GARNL3: variants seen among roughly 807,000 people sequenced by gnomAD.
The protein encoded by GARNL3 is GTPase activating Rap/RanGAP domain like 3.
Under a neutral mutation model 125.0 loss-of-function variants are expected in GARNL3, and 63 were observed. The ratio of observed to expected loss-of-function variants is 0.50; its 90% CI spans 0.41 to 0.62. The LOEUF (loss-of-function observed/expected upper bound fraction) is 0.62, where lower values mean the gene tolerates loss of function less well. Ranked by LOEUF, GARNL3 falls within the 20% of genes least tolerant of loss-of-function variation. The pLI is 0.00. For missense variants in GARNL3, 994 were observed against 1,244.0 expected, an observed-to-expected ratio of 0.80 and a Z score of 3.02; for synonymous variants, 439 against 457.5, an observed-to-expected ratio of 0.96 and a Z score of 0.52.
At chr9:127,289,037 CA>C (rs1473284729) in intron 1 of GARNL3, among the ~76,000 whole-genome samples, 1 of 152,194 alleles carries the variant, frequency 6.6e-6, no homozygotes, top group Non-Finnish European at 1.5e-5. Context: ...CAGCCTATAC[CA>C]GTAACACTCT....
chr9:127,273,726 A>G (rs940393656), intron 1 of GARNL3, among the ~76,000 whole-genome samples: 1 of 152,220 alleles, frequency 6.6e-6, no homozygotes, highest in African/African-American at 2.4e-5. Flanking sequence ...CGTCATATAC[A>G]GAGTCTCATT....
At chr9:127,238,891 T>C (rs2063156947) in intron 1 of GARNL3, among the ~76,000 whole-genome samples, 1 of 152,196 alleles carries the variant, frequency 6.6e-6, no homozygotes, top group South Asian at 2.1e-4. Context: ...CCACTAATAA[T>C]GTGGGTGGAA....
intron 2 of GARNL3, among the ~76,000 whole-genome samples, chr9:127,256,880 G>A (rs934154807): frequency 6.6e-6 from 1 of 152,164 alleles, no homozygotes; most frequent in African/African-American, 2.4e-5. Flanking sequence ...TTTATTACAT[G>A]TGTAGGTTCC....
At chr9:127,343,889 G>A (rs1162885941) in intron 14 of GARNL3, among the ~76,000 whole-genome samples, 1 of 152,204 alleles carries the variant, frequency 6.6e-6, no homozygotes, top group Admixed American at 6.5e-5. Context: ...TCAGTTTGTT[G>A]TGTTCCAGGG....
intron 1 of GARNL3, among the ~76,000 whole-genome samples, chr9:127,233,258 A>G (rs570028053): frequency 1.3e-5 from 2 of 152,266 alleles, no homozygotes; most frequent in African/African-American, 4.8e-5. Flanking sequence ...TATGTCCCTG[A>G]GTTGACATTC....
chr9:127,298,379 A>T (rs2064673234), intron 2 of GARNL3, among the ~76,000 whole-genome samples: 1 of 151,840 alleles, frequency 6.6e-6, no homozygotes, highest in Non-Finnish European at 1.5e-5. Flanking sequence ...GGGTTTCACC[A>T]TGTTGGCCAA....
intron 22 of GARNL3, among the ~76,000 whole-genome samples, chr9:127,367,718 G>T (rs1371194747): frequency 1.2e-4 from 19 of 152,168 alleles, no homozygotes; most frequent in Admixed American, 1.2e-3. Context: ...TCTTGTGTTT[G>T]CTGATGATGC....
chr9:127,302,345 C>T (rs1239385630), intron 2 of GARNL3, among the ~76,000 whole-genome samples: 1 of 152,032 alleles, frequency 6.6e-6, no homozygotes, highest in African/African-American at 2.4e-5. Flanking sequence ...GCAAGACCTT[C>T]TATTGCTAGG....
chr9:127,248,013 T>G (rs541952035), intron 2 of GARNL3, among the ~76,000 whole-genome samples: 3 of 152,336 alleles, frequency 2.0e-5, no homozygotes, highest in Admixed American at 6.5e-5. Flanking sequence ...GTTCCACAAA[T>G]AAGTGAAAAC....
chr9:127,262,320 G>A (rs77135223), upstream of GARNL3, among the ~76,000 whole-genome samples: 4,174 of 152,302 alleles, frequency 0.027, 191 homozygotes, highest in African/African-American at 0.096. Context: ...CCATACAGAT[G>A]TTCTTCATGG....
intron 15 of GARNL3, 152 bp downstream of exon 15, chr9:127,344,491 T>C (rs1298829186): frequency 3.1e-6 from 2 of 637,896 alleles, no homozygotes; most frequent in African/African-American, 3.7e-5. Flanking sequence ...AGTGAGATTT[T>C]TGAGAACCGA....
chr9:127,323,902 C>T (rs2065482800), intron 6 of GARNL3, among the ~76,000 whole-genome samples: 1 of 152,150 alleles, frequency 6.6e-6, no homozygotes, highest in African/African-American at 2.4e-5. Context: ...GACATGCAAA[C>T]ATAATGTCCC....
intron 1 of GARNL3, among the ~76,000 whole-genome samples, chr9:127,229,351 G>C (rs575370283): frequency 3.3e-5 from 5 of 152,150 alleles, no homozygotes; most frequent in African/African-American, 1.2e-4. Context: ...GTTCAGGGTG[G>C]CACTGGGCCT....
At position 127,369,618 on chromosome 9, in the gene GARNL3, G is replaced by A. The variant is rs538576217; in HGVS notation, c.2161+4252G>A. On this transcript the variant is annotated intron_variant, in intron 22 of 27. Transcript: ENST00000373387. The stretch of plus-strand genomic sequence containing the variant: ...AGGGACCCTTGGACCCAGCGAGGTG[G>A]AGGTCATTTGGAAGACAAGAGCGGG... Among the ~76,000 whole-genome samples the A allele has an allele frequency of 9.8e-5, 15 of 152,342 alleles. No individual in the cohort carries two copies. In the East Asian group the frequency reaches 2.9e-3, roughly 29 times the overall value.
chr9:127,280,199 C>T lies in GARNL3; in HGVS notation c.145-10969C>T, dbSNP rs1218645760. ...GAAGAGGTTAAATCTCCCCCAGCCC[C>T]TTGGCATGTTGGGGAAACTAAACTC... On this transcript the variant is annotated intron_variant, in intron 1 of 27. Transcript: ENST00000373387. The surrounding 1 kb of genome is among the most constrained non-coding windows in gnomAD (Gnocchi z 4.5). Among the ~76,000 whole-genome samples the T allele has an allele frequency of 3.3e-5, 5 of 152,314 alleles. No homozygotes were observed. The highest frequency in any genetic ancestry group is 9.6e-5 in the African/African-American group (4 of 41,566).
At chr9:127,342,175 C>T (rs1564158527) in intron 13 of GARNL3, 44 bp from the exon 14 acceptor site, 2 of 1,109,362 alleles carry the variant, frequency 1.8e-6, no homozygotes, top group Admixed American at 3.4e-5. Flanking sequence ...GTGTGTGTGT[C>T]AAGAGATATC....
At chr9:127,369,956 G>T (rs568510714) in intron 22 of GARNL3, among the ~76,000 whole-genome samples, 2 of 152,276 alleles carry the variant, frequency 1.3e-5, no homozygotes, top group South Asian at 2.1e-4. Flanking sequence ...GGAAGGATTG[G>T]CCACACCTGA....
chr9:127,288,390 T>C (rs1050051727), intron 1 of GARNL3, among the ~76,000 whole-genome samples: 1 of 152,180 alleles, frequency 6.6e-6, no homozygotes, highest in Non-Finnish European at 1.5e-5. Context: ...GGTGGGATTG[T>C]GGCACAGTCA....
rs117337673 is a variant in GARNL3 at position 127,390,923 on chromosome 9, C to T, written c.2870+156C>T. Among the ~76,000 whole-genome samples the T allele has an allele frequency of 2.9e-3, 437 of 152,304 alleles. 5 individuals carry two copies. The East Asian group carries it at 0.054, about 19-fold the overall frequency. On this transcript the variant is annotated intron_variant, in intron 27 of 27. Coordinates refer to ENST00000373387, the MANE Select transcript of GARNL3 (RefSeq NM_032293.5). ...GTTCCTCTCTGAGGGTCCCCAGACC[C>T]TCAGGCCTGCCAGGGAGGGATCTAG... is the stretch of plus-strand genomic sequence containing the variant.
Sources: gnomAD v4.1 joint callset for allele counts (sites outside exome capture counted in the v4.1 genomes callset) on GRCh38, gnomAD v4.1.1 for gene constraint, Gnocchi (gnomAD v3.1) non-coding constraint, MANE v1.5 for transcripts, NCBI Gene and HGNC (gene_info 2026-07-23, HGNC 2026-07-21) for gene names.